Variants in CTTNBP2NL observed in about 807,000 individuals in gnomAD.
CTTNBP2NL encodes CTTNBP2 N-terminal-like protein.
CTTNBP2NL carries 16 observed loss-of-function variants against 32.5 expected under a neutral mutation model. The ratio of observed to expected loss-of-function variants is 0.49; its 90% CI spans 0.33 to 0.75. The LOEUF (loss-of-function observed/expected upper bound fraction) is 0.75, where lower values mean the gene tolerates loss of function less well. CTTNBP2NL is among the 30% of genes least tolerant of loss of function. CTTNBP2NL has a pLI of 0.02. For synonymous variants in CTTNBP2NL, 298 were observed against 289.4 expected, an observed-to-expected ratio of 1.03 and a Z score of -0.30; for missense variants, 645 against 756.0, an observed-to-expected ratio of 0.85 and a Z score of 1.72.
chr1:112,395,469 A>G (rs1451735836), upstream of CTTNBP2NL, among the ~76,000 whole-genome samples: 5 of 152,184 alleles, frequency 3.3e-5, no homozygotes. Context: ...TTTCAACTTC[A>G]CTGCAAACAC....
intron 1 of CTTNBP2NL, among the ~76,000 whole-genome samples, chr1:112,401,330 T>C (rs979523770): frequency 2.0e-5 from 3 of 152,222 alleles, no homozygotes; most frequent in Non-Finnish European, 1.5e-5. Context: ...GTGTATTTAA[T>C]AATTTTGTCA....
intron 3 of CTTNBP2NL, among the ~76,000 whole-genome samples, chr1:112,419,224 A>G (rs2101004735): frequency 6.6e-6 from 1 of 152,320 alleles, no homozygotes; most frequent in South Asian, 2.1e-4. Flanking sequence ...AATGTTGTAG[A>G]CATGACAAAG....
chr1:112,421,087 CAG>C (rs1649213992), intron 3 of CTTNBP2NL, among the ~76,000 whole-genome samples: 1 of 152,036 alleles, frequency 6.6e-6, no homozygotes. Context: ...ATTATTAGAA[CAG>C]AGGTTCAAAG....
At chr1:112,396,714 G>C (rs148582989) in intron 1 of CTTNBP2NL, 1 of 152,242 alleles carries the variant, frequency 6.6e-6, no homozygotes, top group Non-Finnish European at 1.5e-5. Context: ...GATAAAATTG[G>C]TGTTTCCCAA....
At chr1:112,449,582 T>A (rs1650159486) in intron 4 of CTTNBP2NL, among the ~76,000 whole-genome samples, 1 of 152,042 alleles carries the variant, frequency 6.6e-6, no homozygotes, top group Non-Finnish European at 1.5e-5. Context: ...AGAATTTACC[T>A]GAGGATAAAC....
At chr1:112,449,750 GTGT>G (rs946330813) in intron 4 of CTTNBP2NL, among the ~76,000 whole-genome samples, 66 of 2,730 alleles carry the variant, frequency 0.024, no homozygotes, top group African/African-American at 0.055. Context: ...GTGTGTGTGT[GTGT>G]TTTCCATATT....
chr1:112,421,310 C>CTTTTTTTTTTT (rs34750717), intron 3 of CTTNBP2NL, among the ~76,000 whole-genome samples: 1 of 115,934 alleles, frequency 8.6e-6, no homozygotes, highest in Non-Finnish European at 1.7e-5. Context: ...CATTTCTTTT[C>CTTTTTTTTTTT]TTTTTTTTTT....
intron 1 of CTTNBP2NL, among the ~76,000 whole-genome samples, chr1:112,410,640 A>T (rs1648831631): frequency 6.6e-6 from 1 of 152,230 alleles, no homozygotes; most frequent in South Asian, 2.1e-4. Context: ...AGCATTCCTT[A>T]GAAATATCTA....
chr1:112,419,825 A>C (rs924288863), intron 3 of CTTNBP2NL, among the ~76,000 whole-genome samples: 1 of 152,188 alleles, frequency 6.6e-6, no homozygotes, highest in African/African-American at 2.4e-5. Flanking sequence ...GGCACCCATA[A>C]GCCTGGACCT....
chr1:112,443,688 G>C (rs1020819942), intron 3 of CTTNBP2NL, among the ~76,000 whole-genome samples: 3 of 152,094 alleles, frequency 2.0e-5, no homozygotes, highest in African/African-American at 7.2e-5. Flanking sequence ...TCTCTTTACT[G>C]TCATGTTTAA....
intron 3 of CTTNBP2NL, among the ~76,000 whole-genome samples, chr1:112,447,379 A>G (rs1650083503): frequency 6.6e-6 from 1 of 152,010 alleles, no homozygotes; most frequent in South Asian, 2.1e-4. Context: ...CCATAAGGCT[A>G]GAAAGATAGT....
intron 2 of CTTNBP2NL, among the ~76,000 whole-genome samples, chr1:112,413,013 T>A (rs1648928053): frequency 6.6e-6 from 1 of 152,194 alleles, no homozygotes. Flanking sequence ...AGAATTCTTC[T>A]TTGTCATTGA....
At chr1:112,393,810 A>T (rs1275884208), upstream of CTTNBP2NL, among the ~76,000 whole-genome samples, 2 of 152,180 alleles carry the variant, frequency 1.3e-5, no homozygotes, top group Non-Finnish European at 2.9e-5. Context: ...GGAGTTGCCC[A>T]TTGCTCTAAA....
chr1:112,427,990 A>G (rs865947285), intron 3 of CTTNBP2NL, among the ~76,000 whole-genome samples: 13 of 152,184 alleles, frequency 8.5e-5, no homozygotes, highest in Admixed American at 7.9e-4. Context: ...TTTTAAAATA[A>G]GATGCATATG....
At chr1:112,423,817 G>C (rs1168892484) in intron 3 of CTTNBP2NL, among the ~76,000 whole-genome samples, 1 of 152,162 alleles carries the variant, frequency 6.6e-6, no homozygotes, top group African/African-American at 2.4e-5. Context: ...TTTGGCTCCC[G>C]GATTCAAGTG....
chr1:112,454,450 T>C lies in CTTNBP2NL; in HGVS notation c.332T>C (p.Val111Ala). ...TGAAATTTAAAAAATTCTTTAAAGGTGATCCTAGACCTTGAGGAAGAAAGG... is the reference window on the plus strand; with the variant it reads ...TGAAATTTAAAAAATTCTTTAAAGGCGATCCTAGACCTTGAGGAAGAAAGG... ...LAAAESRHRK[V>A]ILDLEEERQR... Residue 111 changes from valine (V) to alanine (A), a missense_variant and splice_region_variant, in exon 5 of 6, where the codon GTG (valine) becomes GCG (alanine). By Grantham distance (64) the Val-to-Ala change is moderately conservative (BLOSUM62 0). Transcript: ENST00000271277. The C allele has an allele frequency of 6.2e-7, 1 of 1,611,136 alleles. No individual in the cohort carries two copies. The highest frequency in any genetic ancestry group is 8.5e-7 in the Non-Finnish European group (1 of 1,177,954).
rs1553227278 is a variant in CTTNBP2NL at position 112,452,362 on chromosome 1, T to TA, written c.331-2086dup. 9.3e-3 allele frequency among the ~76,000 whole-genome samples: 1,184 copies of TA among 127,822 alleles called. 37 individuals carry two copies. The highest frequency in any genetic ancestry group is 0.035 in the African/African-American group (1,113 of 32,256). The allele number at this position is 127,822 out of a possible 152,430, so 83.9% of individuals were successfully genotyped here. A position where few individuals can be genotyped will look rare whatever the true frequency, so the allele number is the denominator to read the frequency against. On this transcript the variant is annotated intron_variant, in intron 4 of 5. Coordinates refer to ENST00000271277, the MANE Select transcript of CTTNBP2NL (RefSeq NM_018704.3). ...TTTTTTTTTTTTTTTTTTTTTTTTT[T>TA]AGACAGAGTTTCACTCTTGTTGCTC...
At chr1:112,438,496 T>C (rs1467158609) in intron 3 of CTTNBP2NL, among the ~76,000 whole-genome samples, 1 of 152,212 alleles carries the variant, frequency 6.6e-6, no homozygotes, top group African/African-American at 2.4e-5. Flanking sequence ...ATTCTAGATA[T>C]AGAATCATGT....
intron 3 of CTTNBP2NL, among the ~76,000 whole-genome samples, chr1:112,442,710 TAA>T (rs1649931306): frequency 6.6e-6 from 1 of 151,936 alleles, no homozygotes; most frequent in Non-Finnish European, 1.5e-5. Flanking sequence ...TTTTTTCTTT[TAA>T]GAGAGTCTCG....
Sources: gnomAD v4.1 joint callset for allele counts (sites outside exome capture counted in the v4.1 genomes callset) on GRCh38, gnomAD v4.1.1 for gene constraint, MANE v1.5 for transcripts, NCBI Gene and HGNC (gene_info 2026-07-23, HGNC 2026-07-21) for gene names.